Variants in MACROD2 observed in about 807,000 individuals in gnomAD.
MACROD2 encodes the protein mono-ADP ribosylhydrolase 2.
In MACROD2, 36 loss-of-function variants were observed where a neutral mutation model predicts 70.4. The observed-to-expected ratio is 0.51, with a 90% CI of 0.39 to 0.68. The LOEUF (loss-of-function observed/expected upper bound fraction) is 0.68. Among genes scored for constraint, MACROD2 ranks in the 30% least tolerant of loss-of-function variants. The pLI is 0.00. For missense variants in MACROD2, 496 were observed against 538.4 expected, an observed-to-expected ratio of 0.92 and a Z score of 0.78; for synonymous variants, 172 against 178.8, an observed-to-expected ratio of 0.96 and a Z score of 0.30.
intron 4 of MACROD2, among the ~76,000 whole-genome samples, chr20:14,589,342 G>A (rs566225582): frequency 2.6e-5 from 4 of 152,170 alleles, no homozygotes; most frequent in East Asian, 3.9e-4. Flanking sequence ...AGTTTTTGAA[G>A]CAGTGTTAGC....
intron 3 of MACROD2, among the ~76,000 whole-genome samples, chr20:14,221,952 C>T (rs1236686523): frequency 6.6e-6 from 1 of 152,052 alleles, no homozygotes; most frequent in Non-Finnish European, 1.5e-5. Context: ...GTCAGAATGG[C>T]TATTGTTAAA....
chr20:15,665,540 T>A (rs2049885435), intron 8 of MACROD2, among the ~76,000 whole-genome samples: 1 of 152,044 alleles, frequency 6.6e-6, no homozygotes, highest in Non-Finnish European at 1.5e-5. Flanking sequence ...AATGTGAGGG[T>A]CACAATAGAA....
intron 8 of MACROD2, among the ~76,000 whole-genome samples, chr20:15,802,877 T>C (rs2063738536): frequency 6.6e-6 from 1 of 152,070 alleles, no homozygotes; most frequent in Admixed American, 6.5e-5. Flanking sequence ...CATTAGAAAT[T>C]ATTATGAACA....
chr20:15,322,335 A>G (rs1376409665), intron 6 of MACROD2, among the ~76,000 whole-genome samples: 2 of 143,692 alleles, frequency 1.4e-5, no homozygotes, highest in Admixed American at 1.4e-4. Flanking sequence ...GGACGGGGAT[A>G]TTTACCATGC....
chr20:14,615,120 G>C (rs1983401029), intron 4 of MACROD2, among the ~76,000 whole-genome samples: 1 of 152,052 alleles, frequency 6.6e-6, no homozygotes, highest in Non-Finnish European at 1.5e-5. Flanking sequence ...TCTGGGGCTG[G>C]GGTGACTCTT....
At chr20:14,879,627 A>G (rs2073588521) in intron 5 of MACROD2, among the ~76,000 whole-genome samples, 2 of 152,218 alleles carry the variant, frequency 1.3e-5, no homozygotes, top group East Asian at 3.9e-4. Context: ...GAAATGACTC[A>G]GCACTGTTAG....
chr20:15,082,532 T>G (rs1261440234), intron 5 of MACROD2, among the ~76,000 whole-genome samples: 1 of 137,906 alleles, frequency 7.3e-6, no homozygotes, highest in Non-Finnish European at 1.6e-5. Context: ...GGTTTTTTTT[T>G]TTTTTTTTTT....
intron 2 of MACROD2, among the ~76,000 whole-genome samples, chr20:14,064,932 C>A (rs995445487): frequency 6.6e-6 from 1 of 152,110 alleles, no homozygotes; most frequent in African/African-American, 2.4e-5. Flanking sequence ...ACTTTCACAT[C>A]GGTAGGGAAA....
intron 3 of MACROD2, among the ~76,000 whole-genome samples, chr20:14,321,660 T>A (rs915616166): frequency 6.6e-6 from 1 of 152,222 alleles, no homozygotes. Context: ...ATGCTTCAGA[T>A]GCTTTAGGGC....
intron 5 of MACROD2, among the ~76,000 whole-genome samples, chr20:14,768,354 G>T (rs2037480893): frequency 6.6e-6 from 1 of 152,042 alleles, no homozygotes; most frequent in Non-Finnish European, 1.5e-5. Flanking sequence ...TAGGGTTGCT[G>T]CAGGAACCCA....
intron 9 of MACROD2, among the ~76,000 whole-genome samples, chr20:15,883,970 A>G (rs1330939895): frequency 6.6e-6 from 1 of 152,064 alleles, no homozygotes; most frequent in African/African-American, 2.4e-5. Flanking sequence ...GCACTTAACA[A>G]TGTTTCAGTA....
chr20:14,695,496 G>A (rs986185072), intron 5 of MACROD2, among the ~76,000 whole-genome samples: 3 of 152,156 alleles, frequency 2.0e-5, no homozygotes, highest in African/African-American at 7.2e-5. Flanking sequence ...CAGGACACAG[G>A]CATAACTATC....
intron 8 of MACROD2, among the ~76,000 whole-genome samples, chr20:15,641,299 G>A (rs1490144106): frequency 6.6e-6 from 1 of 152,108 alleles, no homozygotes; most frequent in Admixed American, 6.5e-5. Context: ...TGGGCCTTTG[G>A]TGCTGTTTTG....
chr20:15,406,287 AG>A (rs1337788862), intron 6 of MACROD2, among the ~76,000 whole-genome samples: 4 of 152,204 alleles, frequency 2.6e-5, no homozygotes, highest in Non-Finnish European at 5.9e-5. Context: ...TTGGGCTGTT[AG>A]GTCATGTCCA....
intron 8 of MACROD2, among the ~76,000 whole-genome samples, chr20:15,745,024 C>A (rs1198153486): frequency 6.6e-6 from 1 of 152,042 alleles, no homozygotes; most frequent in African/African-American, 2.4e-5. Flanking sequence ...GGGGACTTTC[C>A]CCAGTCAATA....
At chr20:14,364,792 T>C (rs1200590405) in intron 3 of MACROD2, among the ~76,000 whole-genome samples, 1 of 152,216 alleles carries the variant, frequency 6.6e-6, no homozygotes, top group Non-Finnish European at 1.5e-5. Flanking sequence ...CAGTAGTTCA[T>C]TCCTCTTTGT....
At chr20:14,556,321 A>C (rs2224292) in intron 4 of MACROD2, among the ~76,000 whole-genome samples, 81,499 of 151,830 alleles carry the variant, frequency 0.54, 23,368 homozygotes, top group East Asian at 0.66. Flanking sequence ...CTCAAAGATC[A>C]AAAGAAGAGG....
intron 5 of MACROD2, among the ~76,000 whole-genome samples, chr20:15,117,944 T>G (rs1008777687): frequency 6.6e-6 from 1 of 152,094 alleles, no homozygotes; most frequent in Non-Finnish European, 1.5e-5. Flanking sequence ...AGTCAATGTT[T>G]TTTGTTTGTT....
At chr20:15,760,534 C>T in intron 8 of MACROD2, among the ~76,000 whole-genome samples, 1 of 152,126 alleles carries the variant, frequency 6.6e-6, no homozygotes, top group East Asian at 1.9e-4. Flanking sequence ...AAACCAGGCA[C>T]TGCACGGCAA....
Sources: gnomAD v4.1 joint callset for allele counts (sites outside exome capture counted in the v4.1 genomes callset) on GRCh38, gnomAD v4.1.1 for gene constraint, MANE v1.5 for transcripts, NCBI Gene and HGNC (gene_info 2026-07-23, HGNC 2026-07-21) for gene names.